Variants in NEGR1 observed in about 807,000 individuals in gnomAD.
NEGR1 encodes neuronal growth regulator 1, also known as IgLON family member 4.
NEGR1 carries 10 observed loss-of-function variants against 40.9 expected under a neutral mutation model. The ratio of observed to expected loss-of-function variants is 0.24; its 90% CI spans 0.15 to 0.42. NEGR1 has a LOEUF of 0.42. Ranked by LOEUF, NEGR1 falls within the 10% of genes least tolerant of loss-of-function variation. The pLI, the probability that NEGR1 is intolerant of heterozygous loss-of-function variation, is 1.00. For synonymous variants in NEGR1, 185 were observed against 166.8 expected (o/e 1.11, Z -0.84); for missense variants, 352 against 438.9 (o/e 0.80, Z 1.77).
intron 4 of NEGR1, among the ~76,000 whole-genome samples, chr1:71,670,568 T>G (rs1030405199): frequency 6.6e-6 from 1 of 152,150 alleles, no homozygotes; most frequent in Non-Finnish European, 1.5e-5. Flanking sequence ...TTTTACTTTT[T>G]TTTTTGAGAT....
chr1:71,933,338 A>T (rs1645872767), intron 2 of NEGR1, among the ~76,000 whole-genome samples: 1 of 152,102 alleles, frequency 6.6e-6, no homozygotes, highest in South Asian at 2.1e-4. Flanking sequence ...TATAGACCTA[A>T]TATGGAACAA....
intron 1 of NEGR1, among the ~76,000 whole-genome samples, chr1:72,053,304 G>A (rs1647078642): frequency 6.6e-6 from 1 of 150,728 alleles, no homozygotes; most frequent in Non-Finnish European, 1.5e-5. Context: ...AAAGAAAACT[G>A]GTAACTGGGT....
intron 3 of NEGR1, among the ~76,000 whole-genome samples, chr1:71,763,604 T>C (rs563229251): frequency 1.1e-4 from 16 of 152,296 alleles, no homozygotes; most frequent in Non-Finnish European, 2.1e-4. Flanking sequence ...AAAATACCTC[T>C]CCCTCATTGC....
intron 3 of NEGR1, among the ~76,000 whole-genome samples, chr1:71,706,176 G>A (rs565662993): frequency 2.0e-5 from 3 of 152,318 alleles, no homozygotes; most frequent in East Asian, 3.9e-4. Context: ...GGACGCTGGG[G>A]GAGGGAGACC....
At chr1:71,774,597 T>C (rs986598450) in intron 3 of NEGR1, among the ~76,000 whole-genome samples, 3 of 152,162 alleles carry the variant, frequency 2.0e-5, no homozygotes, top group African/African-American at 7.2e-5. Flanking sequence ...CATGTTTCAA[T>C]TGTGCTTGTT....
At chr1:72,013,963 TAAAAAAAA>T (rs1161156816) in intron 1 of NEGR1, among the ~76,000 whole-genome samples, 2 of 88,490 alleles carry the variant, frequency 2.3e-5, no homozygotes, top group African/African-American at 8.8e-5. Flanking sequence ...CTGTGAAAAA[TAAAAAAAA>T]AAAAAAAAAA....
chr1:72,197,681 AATTC>A (rs1653048678), intron 1 of NEGR1, among the ~76,000 whole-genome samples: 1 of 152,036 alleles, frequency 6.6e-6, no homozygotes, highest in East Asian at 1.9e-4. Flanking sequence ...CTGCAAAATA[AATTC>A]TCTTTCATAT....
chr1:72,099,902 C>T (rs538785109), intron 1 of NEGR1, among the ~76,000 whole-genome samples: 65 of 150,446 alleles, frequency 4.3e-4, no homozygotes, highest in Non-Finnish European at 4.4e-4. Context: ...TATATATATA[C>T]ACACACACAC....
chr1:71,830,057 G>A (rs1212496125), intron 2 of NEGR1, among the ~76,000 whole-genome samples: 5 of 151,786 alleles, frequency 3.3e-5, no homozygotes, highest in African/African-American at 9.7e-5. Flanking sequence ...CCCAATTGTG[G>A]GCTAAATTCA....
At chr1:71,807,096 C>T (rs1434106595) in intron 2 of NEGR1, among the ~76,000 whole-genome samples, 1 of 151,816 alleles carries the variant, frequency 6.6e-6, no homozygotes, top group African/African-American at 2.4e-5. Flanking sequence ...CAGGGTTTCA[C>T]CGTGTTAGCC....
At chr1:71,795,787 A>T (rs1248487548) in intron 2 of NEGR1, among the ~76,000 whole-genome samples, 1 of 152,170 alleles carries the variant, frequency 6.6e-6, no homozygotes, top group East Asian at 1.9e-4. Flanking sequence ...TGCAGTATGA[A>T]ATTATGATAC....
intron 6 of NEGR1, among the ~76,000 whole-genome samples, chr1:71,592,606 A>G (rs1385753100): frequency 6.6e-6 from 1 of 152,184 alleles, no homozygotes; most frequent in Non-Finnish European, 1.5e-5. Context: ...TTTTAAACAC[A>G]TGTCGACTTC....
At chr1:71,553,400 C>T (rs1277975639) in intron 6 of NEGR1, among the ~76,000 whole-genome samples, 1 of 151,434 alleles carries the variant, frequency 6.6e-6, no homozygotes, top group Non-Finnish European at 1.5e-5. Context: ...CACCTACTTC[C>T]TTGGTAGTTA....
intron 2 of NEGR1, among the ~76,000 whole-genome samples, chr1:71,905,864 CAA>C (rs34891986): frequency 1.9e-4 from 20 of 106,612 alleles, no homozygotes; most frequent in Admixed American, 2.9e-4. Context: ...GAGGTTGTTA[CAA>C]AAAAAAAAAA....
chr1:72,048,360 C>T (rs1406395135), intron 1 of NEGR1, among the ~76,000 whole-genome samples: 2 of 148,736 alleles, frequency 1.3e-5, no homozygotes, highest in East Asian at 4.1e-4. Flanking sequence ...GAAGTCTCTA[C>T]TAAATAAATT....
At chr1:71,527,440 C>T (rs1406093736) in intron 6 of NEGR1, among the ~76,000 whole-genome samples, 1 of 150,900 alleles carries the variant, frequency 6.6e-6, no homozygotes, top group Non-Finnish European at 1.5e-5. Flanking sequence ...TCCATCCATC[C>T]ATCCATCCAT....
chr1:72,252,501 G>A lies in NEGR1; in HGVS notation c.176+29818C>T, dbSNP rs559194633. On this transcript the variant is annotated intron_variant, in intron 1 of 6. Transcript: ENST00000357731. ...AGTCCTAAAACCACAAATTTGGTTTGATAAACTCACATCTCAATATTCTAG... is the reference window on the plus strand; with the variant it reads ...AGTCCTAAAACCACAAATTTGGTTTAATAAACTCACATCTCAATATTCTAG... Among the ~76,000 whole-genome samples, 8 of 152,280 alleles carry A rather than the reference G, an allele frequency of 5.3e-5. No individual in the cohort carries two copies. In the East Asian group the frequency reaches 1.5e-3, roughly 29 times the overall value.
intron 6 of NEGR1, chr1:71,461,925 A>T (rs1000988246): frequency 7.9e-5 from 12 of 152,200 alleles, no homozygotes; most frequent in African/African-American, 2.7e-4. Context: ...GGGATCTTAA[A>T]GTGGTCAGTC....
At chr1:72,167,425 T>G (rs932735209) in intron 1 of NEGR1, among the ~76,000 whole-genome samples, 10 of 152,072 alleles carry the variant, frequency 6.6e-5, no homozygotes, top group South Asian at 2.1e-4. Flanking sequence ...TCTCACAATA[T>G]TATCATATTT....
Sources: allele counts gnomAD v4.1 joint callset (sites outside exome capture counted in the v4.1 genomes callset), GRCh38; gene constraint gnomAD v4.1.1; transcripts MANE v1.5; gene names NCBI Gene and HGNC (gene_info 2026-07-23, HGNC 2026-07-21).